The following RPS6KA2 variants were observed in gnomAD, a reference collection of about 807,000 sequenced individuals.
The protein encoded by RPS6KA2 is ribosomal protein S6 kinase alpha-2.
A neutral mutation model predicts 91.8 loss-of-function variants in RPS6KA2; 42 were observed. The ratio of observed to expected loss-of-function variants is 0.46; its 90% CI spans 0.36 to 0.59. The LOEUF (loss-of-function observed/expected upper bound fraction) is 0.59, where lower values mean the gene tolerates loss of function less well. Among genes scored for constraint, RPS6KA2 ranks in the 20% least tolerant of loss-of-function variants. RPS6KA2 has a pLI of 0.00. For synonymous variants in RPS6KA2, 414 were observed against 393.6 expected (o/e 1.05, Z -0.61); for missense variants, 798 against 978.5 (o/e 0.82, Z 2.46).
intron 1 of RPS6KA2, among the ~76,000 whole-genome samples, chr6:166,620,624 G>A (rs1786589671): frequency 6.6e-6 from 1 of 152,184 alleles, no homozygotes; most frequent in African/African-American, 2.4e-5. Flanking sequence ...AAAGAGGCTG[G>A]CAGGAGAGAA....
At chr6:166,570,935 C>T (rs1403716706) in intron 1 of RPS6KA2, among the ~76,000 whole-genome samples, 3 of 152,102 alleles carry the variant, frequency 2.0e-5, no homozygotes, top group Non-Finnish European at 2.9e-5. Context: ...TTTTAAGAGG[C>T]CTTTTTAGGA....
rs562683243 is a variant in RPS6KA2, at chr6:166,786,415, T to C, written c.123+71785A>G. ...ATGATTGTTAATATGGCCATGAAAATGGGAGAAAATGGTGACAAAACTGAT... is the reference window on the plus strand; with the variant it reads ...ATGATTGTTAATATGGCCATGAAAACGGGAGAAAATGGTGACAAAACTGAT... On this transcript the variant is annotated intron_variant, in intron 2 of 21. Transcript: ENST00000503859. 4.6e-5 allele frequency among the ~76,000 whole-genome samples: 7 copies of C among 151,402 alleles called. No homozygotes were observed. In the South Asian group the frequency reaches 1.5e-3, roughly 31 times the overall value.
At chr6:166,424,623 C>G (rs1048557879) in intron 16 of RPS6KA2, among the ~76,000 whole-genome samples, 3 of 152,126 alleles carry the variant, frequency 2.0e-5, no homozygotes, top group African/African-American at 2.4e-5. Flanking sequence ...GTGACCTTGG[C>G]CAAGATACTC....
At chr6:166,633,874 G>C (rs559890378) in intron 2 of RPS6KA2, among the ~76,000 whole-genome samples, 5 of 152,274 alleles carry the variant, frequency 3.3e-5, no homozygotes, top group Non-Finnish European at 7.4e-5. Flanking sequence ...TCAGCGGAAC[G>C]TGCCACGCTT....
Position 166,664,629 on chromosome 6 carries a change from T to A in RPS6KA2, c.124-125845A>T, listed in dbSNP as rs1011845816. Among the ~76,000 whole-genome samples, 6 of 152,232 alleles carry A rather than the reference T, an allele frequency of 3.9e-5. 1 individual carries two copies. The highest frequency in any genetic ancestry group is 2.9e-5 in the Non-Finnish European group (2 of 68,050). On this transcript the variant is annotated intron_variant, in intron 2 of 21. Transcript: ENST00000503859. ...ATTGCAAAGCTCAACTTAAAAAATATTGAATGGTAACATAAACAAATTATT... is the reference window on the plus strand; with the variant it reads ...ATTGCAAAGCTCAACTTAAAAAATAATGAATGGTAACATAAACAAATTATT...
At chr6:166,655,934 T>G (rs766158139) in intron 2 of RPS6KA2, among the ~76,000 whole-genome samples, 7 of 152,128 alleles carry the variant, frequency 4.6e-5, no homozygotes, top group Non-Finnish European at 7.4e-5. Context: ...CTTTGCAGGA[T>G]AGCCACACGC....
chr6:166,529,483 C>A (rs11967122), intron 3 of RPS6KA2, among the ~76,000 whole-genome samples: 28,752 of 151,664 alleles, frequency 0.19, 2,934 homozygotes, highest in African/African-American at 0.26. Flanking sequence ...TGATGAGTTA[C>A]TGGGTGCAGC....
In RPS6KA2 at chr6:166,448,746, G is replaced by A. The variant is rs1308840936; in HGVS notation, c.1310C>T (p.Thr437Ile). Residue 437 changes from threonine (T) to isoleucine (I), a missense_variant, in exon 14 of 21, where the codon ACA (threonine) becomes ATA (isoleucine). Coordinates refer to ENST00000265678, the MANE Select transcript of RPS6KA2 (RefSeq NM_021135.6). This position sits in a 1 kb window ranked among gnomAD's most constrained non-coding sequence, Gnocchi z 4.7. Reference sequence around the variant, plus strand: ...TACCTTCACGGCATACTCGGTGTCTGTGGCTTTATGCACACATCGCTTGCA... The same window carrying A: ...TACCTTCACGGCATACTCGGTGTCTATGGCTTTATGCACACATCGCTTGCA... Reference protein sequence around the residue: ...SVCKRCVHKATDTEYAVKIID... With the variant: ...SVCKRCVHKAIDTEYAVKIID... 2.5e-6 allele frequency: 4 copies of A among 1,613,254 alleles called. No individual in the cohort carries two copies. Among genetic ancestry groups the A allele is most frequent in the African/African-American group, 1.3e-5 (1 of 74,852 alleles).
intron 2 of RPS6KA2, among the ~76,000 whole-genome samples, chr6:166,727,963 G>C (rs1437353127): frequency 6.6e-6 from 1 of 152,194 alleles, no homozygotes; most frequent in Non-Finnish European, 1.5e-5. Flanking sequence ...AATAAAACCA[G>C]ATGGTCATGT....
At chr6:166,502,832 C>T (rs576492928) in intron 6 of RPS6KA2, among the ~76,000 whole-genome samples, 14 of 152,296 alleles carry the variant, frequency 9.2e-5, no homozygotes, top group East Asian at 3.9e-4. Flanking sequence ...TGTGGGGAGA[C>T]AGCAGCTGCG....
intron 2 of RPS6KA2, among the ~76,000 whole-genome samples, chr6:166,776,509 C>T (rs1013139604): frequency 2.6e-5 from 4 of 152,288 alleles, no homozygotes; most frequent in Non-Finnish European, 4.4e-5. Context: ...TTCACACTGA[C>T]GTGTCACCAG....
At position 166,731,572 on chromosome 6, in the gene RPS6KA2, A is replaced by G. The variant is rs984855490; in HGVS notation, c.123+126628T>C. Among the ~76,000 whole-genome samples, 7 of 152,072 alleles carry G rather than the reference A, an allele frequency of 4.6e-5. No homozygotes were observed. The South Asian group carries it at 1.5e-3, about 32-fold the overall frequency. ...AACCCCTGATTCTGTAATGACCTCT[A>G]GCTCTCCAGAAAGATGCTTTGAAGA... On this transcript the variant is annotated intron_variant, in intron 2 of 21. Coordinates refer to the RPS6KA2 transcript ENST00000503859.
At chr6:166,455,543 C>T (rs1162520728) in intron 12 of RPS6KA2, among the ~76,000 whole-genome samples, 1 of 152,188 alleles carries the variant, frequency 6.6e-6, no homozygotes, top group South Asian at 2.1e-4. Context: ...ACTAATGTGA[C>T]CAGAGTCGGC....
Position 166,459,011 on chromosome 6 carries a change from G to A in RPS6KA2, c.1075+438C>T, listed in dbSNP as rs569668752. Among the ~76,000 whole-genome samples, 3 of 152,260 alleles carry A rather than the reference G, an allele frequency of 2.0e-5. No homozygotes were observed. Among genetic ancestry groups the A allele is most frequent in the South Asian group, 2.1e-4 (1 of 4,816 alleles). On this transcript the variant is annotated intron_variant, in intron 12 of 20. Coordinates refer to ENST00000265678, the MANE Select transcript of RPS6KA2 (RefSeq NM_021135.6). This position sits in a 1 kb window ranked among gnomAD's most constrained non-coding sequence, Gnocchi z 4.9. ...CCAATTGCTGTGCTATTTAGTAGCC[G>A]ATACTACTTTTCAAATGGGTTTCTG...
chr6:166,435,963 A>T lies in RPS6KA2; in HGVS notation c.1333-3473T>A, dbSNP rs1779285989. On this transcript the variant is annotated intron_variant, in intron 14 of 20. Transcript: ENST00000265678. This position sits in a 1 kb window ranked among gnomAD's most constrained non-coding sequence, Gnocchi z 4.3. ...TGTCCACTCCCTGTGGGGTTGCAGG[A>T]GCTCCCTGGGCCTCTCTACACCTAG... Among the ~76,000 whole-genome samples the T allele has an allele frequency of 6.6e-6, 1 of 152,162 alleles. No individual in the cohort carries two copies. Among genetic ancestry groups the T allele is most frequent in the South Asian group, 2.1e-4 (1 of 4,834 alleles).
intron 2 of RPS6KA2, among the ~76,000 whole-genome samples, chr6:166,703,063 A>G (rs1033298827): frequency 4.6e-5 from 7 of 152,254 alleles, no homozygotes; most frequent in South Asian, 4.1e-4. Context: ...GAAAAAGCCT[A>G]GCTACAACCG....
chr6:166,430,113 A>T (rs1016884492), intron 16 of RPS6KA2, among the ~76,000 whole-genome samples: 4 of 151,352 alleles, frequency 2.6e-5, no homozygotes, highest in African/African-American at 9.8e-5. Context: ...GTGTGCCATC[A>T]TGCCCAGCTA....
intron 10 of RPS6KA2, among the ~76,000 whole-genome samples, chr6:166,484,333 G>C (rs1781334735): frequency 6.6e-6 from 1 of 152,206 alleles, no homozygotes; most frequent in Non-Finnish European, 1.5e-5. Flanking sequence ...ATCACTTAGT[G>C]AATACCTGTG....
At chr6:166,436,514 C>A (rs1256194229) in intron 14 of RPS6KA2, among the ~76,000 whole-genome samples, 1 of 152,170 alleles carries the variant, frequency 6.6e-6, no homozygotes, top group Admixed American at 6.5e-5. Flanking sequence ...CCAGAAGGGG[C>A]TGCATGGGGT....
Sources: gnomAD v4.1 joint callset for allele counts (sites outside exome capture counted in the v4.1 genomes callset) on GRCh38, gnomAD v4.1.1 for gene constraint, Gnocchi (gnomAD v3.1) non-coding constraint, MANE v1.5 for transcripts, NCBI Gene and HGNC (gene_info 2026-07-23, HGNC 2026-07-21) for gene names.